Variants in NOXRED1 observed in about 807,000 individuals in gnomAD.
NOXRED1 encodes the protein NADP-dependent oxidoreductase domain-containing protein 1.
Under a neutral mutation model 30.4 loss-of-function variants are expected in NOXRED1, and 20 were observed. The observed-to-expected ratio is 0.66, with a 90% CI of 0.46 to 0.96. The LOEUF (loss-of-function observed/expected upper bound fraction) is 0.96, where lower values mean the gene tolerates loss of function less well. Among genes scored for constraint, NOXRED1 ranks in the 40% least tolerant of loss-of-function variants. The pLI, the probability that NOXRED1 is intolerant of heterozygous loss-of-function variation, is 0.00. For missense variants in NOXRED1, 374 were observed against 428.0 expected, an observed-to-expected ratio of 0.87 and a Z score of 1.11; for synonymous variants, 155 against 168.0, an observed-to-expected ratio of 0.92 and a Z score of 0.60.
chr14:77,411,656 G>T (rs1894655656), intron 2 of NOXRED1, among the ~76,000 whole-genome samples: 1 of 152,094 alleles, frequency 6.6e-6, no homozygotes, highest in South Asian at 2.1e-4. Context: ...CAGGGAAGTG[G>T]ACAGAAAGGG....
At position 77,394,535 on chromosome 14, in the gene NOXRED1, C is replaced by G; in HGVS notation, c.*96G>C. On this transcript the variant is annotated 3_prime_UTR_variant, in exon 6 of 6. Coordinates refer to ENST00000380835, the MANE Select transcript of NOXRED1 (RefSeq NM_001113475.3). ...TGTCTATCATGTGGCAAACACAATA[C>G]AGCCACAAGACTCCCACAGTCAATT... The G allele has an allele frequency of 1.2e-6, 1 of 855,152 alleles. No homozygotes were observed. The highest frequency in any genetic ancestry group is 1.9e-6 in the Non-Finnish European group (1 of 537,372). 53.0% of individuals were successfully genotyped at this position (855,152 alleles called of 1,614,324 possible). A position where few individuals can be genotyped will look rare whatever the true frequency, so the allele number is the denominator to read the frequency against.
chr14:77,408,892 A>ATTTTTTTTGTTTTTTTTTTTTTTTT, intron 2 of NOXRED1, among the ~76,000 whole-genome samples: 1 of 68,154 alleles, frequency 1.5e-5, no homozygotes, highest in Non-Finnish European at 2.7e-5. Context: ...CTGGTAGTTA[A>ATTTTTTTTGTTTTTTTTTTTTTTTT]TTTTTTTTTT....
chr14:77,408,892 A>ATTTTTTTTTTTTTTATTTTTTTTTTTTT (rs1894557382), intron 2 of NOXRED1, among the ~76,000 whole-genome samples: 1 of 68,154 alleles, frequency 1.5e-5, no homozygotes, highest in African/African-American at 5.1e-5. Flanking sequence ...CTGGTAGTTA[A>ATTTTTTTTTTTTTTATTTTTTTTTTTTT]TTTTTTTTTT....
rs569823949 is a variant in NOXRED1 at position 77,394,131 on chromosome 14, A to G, written c.*500T>C. 1 of 152,560 alleles carries G rather than the reference A, an allele frequency of 6.6e-6. No homozygotes were observed. The highest frequency in any genetic ancestry group is 2.4e-5 in the African/African-American group (1 of 41,564). 9.5% of individuals were successfully genotyped at this position (152,560 alleles called of 1,614,324 possible). A position where few individuals can be genotyped will look rare whatever the true frequency, so the allele number is the denominator to read the frequency against. On this transcript the variant is annotated 3_prime_UTR_variant, in exon 6 of 6. Transcript: ENST00000380835. ...AATAAGATAGTACCAGAACAGTCAT[A>G]TATAGTCAAAATAAGCATGATACAA... is the stretch of plus-strand genomic sequence containing the variant.
At chr14:77,397,644 T>C (rs1186369246) in intron 5 of NOXRED1, among the ~76,000 whole-genome samples, 2 of 152,118 alleles carry the variant, frequency 1.3e-5, no homozygotes, top group Admixed American at 6.6e-5. Flanking sequence ...CCCAGCACTT[T>C]GGGAGGCCAA....
chr14:77,420,350 G>A (rs1315666104), intron 1 of NOXRED1, among the ~76,000 whole-genome samples: 1 of 150,966 alleles, frequency 6.6e-6, no homozygotes, highest in East Asian at 1.9e-4. Flanking sequence ...TTCATGTATT[G>A]TTTTCCTGAT....
intron 1 of NOXRED1, among the ~76,000 whole-genome samples, chr14:77,415,780 G>A (rs760486574): frequency 9.4e-5 from 14 of 149,518 alleles, no homozygotes; most frequent in Non-Finnish European, 1.8e-4. Context: ...CACAATCTCA[G>A]CTCACTGCAA....
upstream of NOXRED1, among the ~76,000 whole-genome samples, chr14:77,425,999 G>A (rs1895113333): frequency 6.6e-6 from 1 of 152,192 alleles, no homozygotes; most frequent in Admixed American, 6.5e-5. Flanking sequence ...GCTGAAGCAG[G>A]AAGATTGCTT....
At position 77,414,014 on chromosome 14, in the gene NOXRED1, T is replaced by A; in HGVS notation, c.269A>T (p.Gln90Leu). ...GIIGGGHLGK[Q>L]LAGTLLQLGP... The stretch of plus-strand genomic sequence containing the variant: ...AAGCTGCAGCAGTGTGCCAGCCAGC[T>A]GCTTCCCAAGGTGGCCACCTCCAAT... Residue 90 changes from glutamine (Q) to leucine (L), a missense_variant, in exon 2 of 6, where the codon CAG becomes CTG. Coordinates refer to ENST00000380835, the MANE Select transcript of NOXRED1 (RefSeq NM_001113475.3). 6.2e-7 allele frequency: 1 copy of A among 1,612,678 alleles called. No homozygotes were observed. Among genetic ancestry groups the A allele is most frequent in the Non-Finnish European group, 8.5e-7 (1 of 1,178,902 alleles).
At chr14:77,404,287 G>T (rs1594871134) in intron 5 of NOXRED1, among the ~76,000 whole-genome samples, 2 of 152,176 alleles carry the variant, frequency 1.3e-5, no homozygotes, top group Admixed American at 6.5e-5. Context: ...CAAACCAAAC[G>T]TGAATCACAG....
chr14:77,419,730 G>C (rs1482588278), intron 1 of NOXRED1, among the ~76,000 whole-genome samples: 6 of 151,836 alleles, frequency 4.0e-5, no homozygotes, highest in Admixed American at 3.9e-4. Context: ...TTACAGGCGT[G>C]AGCCACCACA....
chr14:77,414,901 G>C (rs1894770312), intron 1 of NOXRED1, among the ~76,000 whole-genome samples: 1 of 152,040 alleles, frequency 6.6e-6, no homozygotes, highest in Admixed American at 6.5e-5. Context: ...CACATGCTGG[G>C]TACGGTGGCT....
intron 1 of NOXRED1, among the ~76,000 whole-genome samples, chr14:77,418,365 G>C (rs1293451908): frequency 1.3e-5 from 2 of 151,912 alleles, no homozygotes; most frequent in Admixed American, 1.3e-4. Context: ...CGAACTTCTG[G>C]AATCAAGCGA....
chr14:77,407,514 C>T lies in NOXRED1; in HGVS notation c.481G>A (p.Glu161Lys). 1.2e-6 allele frequency: 2 copies of T among 1,614,088 alleles called. No individual in the cohort carries two copies. The highest frequency in any genetic ancestry group is 1.1e-5 in the South Asian group (1 of 91,084). ...NICVEIYTSL[E>K]KASIVYSFVA... ...AAGCTGTACACAATGCTGGCCTTCT[C>T]AAGGCTGGTGTAAATTTCTACGCAG... The change falls in exon 3 of 6, where the codon GAG (glutamate) becomes AAG (lysine). Residue 161 changes from glutamate (E) to lysine (K), a missense_variant. Physicochemically the swap from Glu to Lys is moderately conservative, Grantham distance 56. Transcript: ENST00000380835.
At chr14:77,403,273 TAAAAC>T (rs1566707147) in intron 5 of NOXRED1, among the ~76,000 whole-genome samples, 1 of 152,192 alleles carries the variant, frequency 6.6e-6, no homozygotes, top group Non-Finnish European at 1.5e-5. Flanking sequence ...ATGGAAATTT[TAAAAC>T]AAAATAGAAT....
intron 1 of NOXRED1, among the ~76,000 whole-genome samples, chr14:77,416,781 G>A (rs1243888030): frequency 2.6e-5 from 4 of 151,136 alleles, no homozygotes; most frequent in African/African-American, 4.9e-5. Flanking sequence ...AGGGGCGGCC[G>A]GGCAGAGGCG....
In NOXRED1 at chr14:77,406,834, T is replaced by G; in HGVS notation, c.572A>C (p.Gln191Pro). The G allele has an allele frequency of 6.2e-7, 1 of 1,614,130 alleles. No individual in the cohort carries two copies. The highest frequency in any genetic ancestry group is 8.5e-7 in the Non-Finnish European group (1 of 1,180,004). ...GACAGAATCTTCATCATACTGATAC[T>G]GAGGCCGCAAGATATTGGTGTGGTT... ...LLNHTNILRP[Q>P]YQYDEDSVSV... The change falls in exon 4 of 6, where the codon CAG becomes CCG. Residue 191 changes from glutamine (Q) to proline (P), a missense_variant. Transcript: ENST00000380835.
At chr14:77,396,470 A>G (rs1409243436) in intron 5 of NOXRED1, among the ~76,000 whole-genome samples, 1 of 151,990 alleles carries the variant, frequency 6.6e-6, no homozygotes, top group Non-Finnish European at 1.5e-5. Context: ...GCTAGTCTGG[A>G]ACTCCTGACC....
intron 2 of NOXRED1, among the ~76,000 whole-genome samples, chr14:77,412,009 C>T (rs1008730427): frequency 4.7e-5 from 7 of 149,332 alleles, no homozygotes; most frequent in South Asian, 2.1e-4. Flanking sequence ...GCGGGAGAAT[C>T]GCTTGAACCC....
Sources: gnomAD v4.1 joint callset for allele counts (sites outside exome capture counted in the v4.1 genomes callset) on GRCh38, gnomAD v4.1.1 for gene constraint, MANE v1.5 for transcripts, NCBI Gene and HGNC (gene_info 2026-07-23, HGNC 2026-07-21) for gene names.